PPP2R2B: variants seen among roughly 807,000 people sequenced by gnomAD.
PPP2R2B encodes serine/threonine-protein phosphatase 2A 55 kDa regulatory subunit B beta isoform.
Under a neutral mutation model 46.0 loss-of-function variants are expected in PPP2R2B, and 5 were observed. The ratio of observed to expected loss-of-function variants is 0.11; its 90% CI spans 0.06 to 0.23. The LOEUF (loss-of-function observed/expected upper bound fraction) is 0.23. Ranked by LOEUF, PPP2R2B falls within the 10% of genes least tolerant of loss-of-function variation. PPP2R2B has a pLI of 1.00. For missense variants in PPP2R2B, 367 were observed against 575.0 expected (o/e 0.64, Z 3.70); for synonymous variants, 215 against 206.7 (o/e 1.04, Z -0.34).
chr5:146,794,864 A>C lies in PPP2R2B; in HGVS notation c.70+83138T>G, dbSNP rs1756425323. 1.3e-5 allele frequency among the ~76,000 whole-genome samples: 2 copies of C among 152,158 alleles called. 1 individual carries two copies. On this transcript the variant is annotated intron_variant, in intron 2 of 9. Transcript: ENST00000394411. ...TTTTTCCAGAACCACTGACTCATCC[A>C]ATTTATTGGTTCCACTGGGAGGCAA...
intron 1 of PPP2R2B, among the ~76,000 whole-genome samples, chr5:146,921,626 A>C (rs889730894): frequency 1.3e-5 from 2 of 152,212 alleles, no homozygotes; most frequent in South Asian, 2.1e-4. Flanking sequence ...TGTAAAATAC[A>C]TATTGGTGAG....
intron 2 of PPP2R2B, among the ~76,000 whole-genome samples, chr5:146,867,656 C>A (rs552564651): frequency 1.3e-5 from 2 of 152,230 alleles, no homozygotes; most frequent in South Asian, 4.1e-4. Flanking sequence ...GCTCTGATTC[C>A]ACCACTTCGG....
At chr5:146,597,441 C>A (rs549906810) in intron 8 of PPP2R2B, among the ~76,000 whole-genome samples, 1 of 152,278 alleles carries the variant, frequency 6.6e-6, no homozygotes, top group South Asian at 2.1e-4. Context: ...CTTTTCCCTA[C>A]CTTCGATTCA....
At chr5:146,820,025 C>T (rs1042159940) in intron 2 of PPP2R2B, among the ~76,000 whole-genome samples, 2 of 152,096 alleles carry the variant, frequency 1.3e-5, no homozygotes, top group African/African-American at 4.8e-5. Context: ...ATGTTGATCT[C>T]AGAGAAGTAG....
chr5:146,583,291 G>C lies in PPP2R2B; in HGVS notation c.*6656C>G, dbSNP rs922401456. 41 of 152,122 alleles carry C rather than the reference G, an allele frequency of 2.7e-4. No individual in the cohort carries two copies. Among genetic ancestry groups the C allele is most frequent in the African/African-American group, 9.9e-4 (41 of 41,414 alleles). The allele number at this position is 152,122 out of a possible 1,614,324, so 9.4% of individuals were successfully genotyped here. On this transcript the variant is annotated 3_prime_UTR_variant, in exon 10 of 10. Transcript: ENST00000394411. Reference sequence around the variant, plus strand: ...CCATCATAGTGCATATGTTTTATAGGATTAGCAGAACTGTAGCAAGAAATG... The same window carrying C: ...CCATCATAGTGCATATGTTTTATAGCATTAGCAGAACTGTAGCAAGAAATG...
Position 146,698,853 on chromosome 5 carries a change from C to G in PPP2R2B, c.169-709G>C, listed in dbSNP as rs75010121. 7.0e-3 allele frequency among the ~76,000 whole-genome samples: 1,065 copies of G among 151,656 alleles called. 2 individuals carry two copies. Among genetic ancestry groups the G allele is most frequent in the Non-Finnish European group, 0.012 (783 of 67,984 alleles). On this transcript the variant is annotated intron_variant, in intron 3 of 9. Transcript: ENST00000394411. Reference sequence around the variant, plus strand: ...TGAGACTTTACCTCTTGGCTTTCCTCTAGCGCTGATTATGCAATGAGCAAA... The same window carrying G: ...TGAGACTTTACCTCTTGGCTTTCCTGTAGCGCTGATTATGCAATGAGCAAA...
At chr5:147,032,412 A>C (rs1698417201) in intron 1 of PPP2R2B, among the ~76,000 whole-genome samples, 1 of 152,088 alleles carries the variant, frequency 6.6e-6, no homozygotes, top group South Asian at 2.1e-4. Flanking sequence ...TGGTTACATG[A>C]ATAAGTTCTT....
chr5:146,977,112 A>G (rs934600417), intron 1 of PPP2R2B, among the ~76,000 whole-genome samples: 1 of 152,188 alleles, frequency 6.6e-6, no homozygotes, highest in African/African-American at 2.4e-5. Flanking sequence ...TGTCTAACAC[A>G]TCAGAAAATT....
chr5:147,062,687 G>A (rs1250658983), intron 2 of PPP2R2B, among the ~76,000 whole-genome samples: 1 of 151,902 alleles, frequency 6.6e-6, no homozygotes, highest in Non-Finnish European at 1.5e-5. Context: ...TCTAGTACAG[G>A]ACACGGCACC....
At chr5:146,940,207 A>G (rs1328773939) in intron 1 of PPP2R2B, among the ~76,000 whole-genome samples, 2 of 151,934 alleles carry the variant, frequency 1.3e-5, no homozygotes, top group African/African-American at 4.8e-5. Context: ...TGATCTTTCC[A>G]CTCCACTTTG....
intron 1 of PPP2R2B, among the ~76,000 whole-genome samples, chr5:146,967,222 T>C (rs970552424): frequency 3.9e-5 from 6 of 152,240 alleles, no homozygotes; most frequent in African/African-American, 1.4e-4. Flanking sequence ...GGCCTGAGTT[T>C]TGGTTAAGCC....
chr5:146,787,820 G>A (rs1337536434), intron 2 of PPP2R2B, among the ~76,000 whole-genome samples: 1 of 152,060 alleles, frequency 6.6e-6, no homozygotes, highest in African/African-American at 2.4e-5. Flanking sequence ...CACCCACCTC[G>A]GACTCCCAAA....
At chr5:146,689,550 T>C (rs1355437552) in intron 5 of PPP2R2B, among the ~76,000 whole-genome samples, 3 of 152,218 alleles carry the variant, frequency 2.0e-5, no homozygotes, top group African/African-American at 7.2e-5. Flanking sequence ...AAGTATACTC[T>C]ATGATGTTTT....
intron 6 of PPP2R2B, among the ~76,000 whole-genome samples, chr5:146,643,985 G>A (rs1359554376): frequency 6.6e-6 from 1 of 151,986 alleles, no homozygotes; most frequent in African/African-American, 2.4e-5. Context: ...TAACTGAAAG[G>A]GTGTGGCTGT....
intron 2 of PPP2R2B, among the ~76,000 whole-genome samples, chr5:146,792,206 G>T (rs1402375644): frequency 1.3e-5 from 2 of 152,118 alleles, no homozygotes; most frequent in African/African-American, 4.8e-5. Context: ...ATCTTTTAAG[G>T]TGTGTGTGCC....
intron 2 of PPP2R2B, among the ~76,000 whole-genome samples, chr5:146,817,943 T>A (rs962096186): frequency 6.6e-6 from 1 of 152,214 alleles, no homozygotes; most frequent in Non-Finnish European, 1.5e-5. Flanking sequence ...CACCAATTCC[T>A]TTTCTCCAAA....
intron 5 of PPP2R2B, among the ~76,000 whole-genome samples, chr5:146,661,930 T>C (rs1019051346): frequency 1.3e-5 from 2 of 152,162 alleles, no homozygotes; most frequent in Non-Finnish European, 2.9e-5. Flanking sequence ...AAAATTTCAA[T>C]TAACATTTAT....
intron 1 of PPP2R2B, among the ~76,000 whole-genome samples, chr5:146,977,612 G>T (rs1752978114): frequency 6.6e-6 from 1 of 152,104 alleles, no homozygotes; most frequent in Admixed American, 6.5e-5. Flanking sequence ...ACTTATGAGT[G>T]AGAACATGCA....
upstream of PPP2R2B, among the ~76,000 whole-genome samples, chr5:147,059,015 G>A (rs559735519): frequency 1.1e-4 from 17 of 152,248 alleles, no homozygotes; most frequent in African/African-American, 3.4e-4. Context: ...TTAATTTCAT[G>A]CTCTGGCTTG....
Sources: allele counts gnomAD v4.1 joint callset (sites outside exome capture counted in the v4.1 genomes callset), GRCh38; gene constraint gnomAD v4.1.1; transcripts MANE v1.5; gene names NCBI Gene and HGNC (gene_info 2026-07-23, HGNC 2026-07-21).